The following PCDH11X variants were observed in gnomAD, a reference collection of about 807,000 sequenced individuals.
PCDH11X encodes protocadherin-11 X-linked.
Under a neutral mutation model 53.3 loss-of-function variants are expected in PCDH11X, and 18 were observed. The observed-to-expected ratio is 0.34, with a 90% CI of 0.23 to 0.50. The LOEUF (loss-of-function observed/expected upper bound fraction) is 0.50. PCDH11X is among the 20% of genes least tolerant of loss of function. PCDH11X has a pLI of 0.98. For synonymous variants in PCDH11X, 279 were observed against 393.3 expected (o/e 0.71, Z 3.44); for missense variants, 570 against 1,032.4 (o/e 0.55, Z 6.14).
In PCDH11X at chrX:92,293,484, C is replaced by A. The variant is rs1001372980; in HGVS notation, c.3144+30341C>A. Among the ~76,000 whole-genome samples the A allele has an allele frequency of 2.7e-5, 3 of 109,331 alleles. No homozygotes were observed. In the Admixed American group the frequency reaches 2.9e-4, roughly 11 times the overall value. The allele number at this position is 109,331 out of a possible 115,157, so 94.9% of individuals were successfully genotyped here. A position where few individuals can be genotyped will look rare whatever the true frequency, so the allele number is the denominator to read the frequency against. ...CAAAAAATACAAAAAATTAGCCGGG[C>A]GTGGTAGCGGGCGCCTGTAGTCCCA... On this transcript the variant is annotated intron_variant, in intron 8 of 10. Transcript: ENST00000682573.
chrX:91,919,257 T>C (rs1602493280), intron 6 of PCDH11X, among the ~76,000 whole-genome samples: 2 of 111,533 alleles, frequency 1.8e-5, no homozygotes, highest in African/African-American at 6.5e-5. Context: ...AATGTCAGAA[T>C]TGTCAAGGTC....
chrX:92,328,505 C>A (rs182961158), intron 8 of PCDH11X, among the ~76,000 whole-genome samples: 4 of 109,999 alleles, frequency 3.6e-5, no homozygotes, highest in African/African-American at 9.9e-5. Context: ...ATTAGTGAAA[C>A]CAAAAGCTAG....
intron 8 of PCDH11X, among the ~76,000 whole-genome samples, chrX:92,355,649 G>A (rs192828576): frequency 0.03 from 3,146 of 104,655 alleles, 108 homozygotes; most frequent in African/African-American, 0.11. Flanking sequence ...AAATTTTAGA[G>A]TTTCCCTGCA....
chrX:92,533,515 A>C lies in PCDH11X; in HGVS notation c.3367+65193A>C, dbSNP rs1397762079. On this transcript the variant is annotated intron_variant, in intron 10 of 10. Transcript: ENST00000682573. ...CAAAAGCCCTGAAATGAACATGCTT[A>C]GCATGTTGGAAGAACCGACAGAAGA... 4.7e-5 allele frequency among the ~76,000 whole-genome samples: 5 copies of C among 105,942 alleles called. No homozygotes were observed. The East Asian group carries it at 1.5e-3, about 32-fold the overall frequency. 92.0% of individuals were successfully genotyped at this position (105,942 alleles called of 115,157 possible). A position where few individuals can be genotyped will look rare whatever the true frequency, so the allele number is the denominator to read the frequency against.
intron 6 of PCDH11X, among the ~76,000 whole-genome samples, chrX:91,935,170 C>T (rs1456679728): frequency 9.3e-6 from 1 of 107,805 alleles, no homozygotes; most frequent in East Asian, 2.9e-4. Flanking sequence ...AATTATATGT[C>T]AAGCTTAGGA....
At chrX:91,975,039 G>A (rs1159518137) in intron 6 of PCDH11X, among the ~76,000 whole-genome samples, 2 of 110,902 alleles carry the variant, frequency 1.8e-5, no homozygotes, top group Non-Finnish European at 3.8e-5. Flanking sequence ...GGCATGAGCC[G>A]CCACGCCTGG....
At chrX:92,527,294 G>T (rs2074472128) in intron 10 of PCDH11X, among the ~76,000 whole-genome samples, 1 of 111,064 alleles carries the variant, frequency 9.0e-6, no homozygotes, top group African/African-American at 3.3e-5. Flanking sequence ...AAATTCAAAG[G>T]ATAAATGCTT....
intron 8 of PCDH11X, among the ~76,000 whole-genome samples, chrX:92,369,710 G>T (rs2428407): frequency 7.2e-5 from 8 of 111,589 alleles, no homozygotes; most frequent in South Asian, 7.6e-4. Context: ...TAACATGGCC[G>T]TGTAGCACAG....
chrX:92,067,997 G>A (rs5984865), intron 6 of PCDH11X, among the ~76,000 whole-genome samples: 29,601 of 107,304 alleles, frequency 0.28, 5,245 homozygotes, highest in African/African-American at 0.6. Flanking sequence ...TGTGGTATCC[G>A]TTGTAATGTC....
chrX:92,131,639 T>C (rs1437423051), intron 6 of PCDH11X, among the ~76,000 whole-genome samples: 6 of 111,865 alleles, frequency 5.4e-5, no homozygotes, highest in Non-Finnish European at 1.1e-4. Context: ...TGCATCCATT[T>C]AAAGACATAA....
In PCDH11X at chrX:92,168,540, A is replaced by G. The variant is rs1426525571; in HGVS notation, c.3034-32835A>G. ...CAGAGTGAAACTCTGCCTCAAAAAA[A>G]AAAACCCAAAACAAACAAACAAAAC... On this transcript the variant is annotated intron_variant, in intron 6 of 10. Coordinates refer to ENST00000682573, the MANE Select transcript of PCDH11X (RefSeq NM_032968.5). Among the ~76,000 whole-genome samples, 14 of 110,743 alleles carry G rather than the reference A, an allele frequency of 1.3e-4. 1 individual carries two copies. Among genetic ancestry groups the G allele is most frequent in the African/African-American group, 4.3e-4 (13 of 30,586 alleles).
chrX:92,266,743 CTT>C (rs201826040), intron 8 of PCDH11X, among the ~76,000 whole-genome samples: 117 of 98,184 alleles, frequency 1.2e-3, no homozygotes, highest in African/African-American at 3.6e-3. Flanking sequence ...TACTTATTTT[CTT>C]TTTTTTTTTT....
chrX:92,507,557 C>T (rs2074086578), intron 10 of PCDH11X, among the ~76,000 whole-genome samples: 1 of 110,978 alleles, frequency 9.0e-6, no homozygotes, highest in African/African-American at 3.3e-5. Context: ...TGGAAACTGA[C>T]ATTATATTCA....
intron 8 of PCDH11X, among the ~76,000 whole-genome samples, chrX:92,338,240 A>G (rs1386775375): frequency 8.9e-6 from 1 of 112,005 alleles, no homozygotes; most frequent in Non-Finnish European, 1.9e-5. Context: ...ATGTTATATT[A>G]ATTTCTTGTT....
At chrX:92,173,191 T>C (rs997153579) in intron 6 of PCDH11X, among the ~76,000 whole-genome samples, 1 of 111,804 alleles carries the variant, frequency 8.9e-6, no homozygotes, top group East Asian at 2.8e-4. Context: ...CCTTTTGCTA[T>C]TAGTTTGATT....
chrX:92,341,881 T>G (rs1461053011), intron 8 of PCDH11X, among the ~76,000 whole-genome samples: 2 of 111,795 alleles, frequency 1.8e-5, no homozygotes, highest in African/African-American at 6.5e-5. Flanking sequence ...AAAAGATAAC[T>G]ATCAACAGAA....
intron 9 of PCDH11X, among the ~76,000 whole-genome samples, chrX:92,448,302 C>A (rs1036704114): frequency 1.9e-5 from 2 of 106,028 alleles, no homozygotes; most frequent in African/African-American, 6.9e-5. Flanking sequence ...ACCCAAATCT[C>A]ATCTTTAATT....
intron 8 of PCDH11X, among the ~76,000 whole-genome samples, chrX:92,311,467 GC>G (rs1022153706): frequency 1.8e-5 from 2 of 110,904 alleles, no homozygotes; most frequent in African/African-American, 3.3e-5. Flanking sequence ...AGAGAAAAAA[GC>G]CCCCCAAAAC....
chrX:92,496,471 A>G (rs773330426), intron 10 of PCDH11X, among the ~76,000 whole-genome samples: 89 of 107,701 alleles, frequency 8.3e-4, no homozygotes, highest in Non-Finnish European at 1.5e-3. Context: ...AGCATCGATT[A>G]GTAAGCTACA....
Sources: allele counts gnomAD v4.1 joint callset (sites outside exome capture counted in the v4.1 genomes callset), GRCh38; gene constraint gnomAD v4.1.1; transcripts MANE v1.5; gene names NCBI Gene and HGNC (gene_info 2026-07-23, HGNC 2026-07-21).